The following CADPS variants were observed in gnomAD, a reference collection of about 807,000 sequenced individuals.
CADPS encodes the protein calcium-dependent secretion activator 1.
A neutral mutation model predicts 167.3 loss-of-function variants in CADPS; 57 were observed. The ratio of observed to expected loss-of-function variants is 0.34; its 90% CI spans 0.28 to 0.42. The LOEUF (loss-of-function observed/expected upper bound fraction) is 0.42, where lower values mean the gene tolerates loss of function less well. CADPS is among the 20% of genes least tolerant of loss of function. The pLI, the probability that CADPS is intolerant of heterozygous loss-of-function variation, is 1.00. For missense variants in CADPS, 1,414 were observed against 1,738.1 expected, an observed-to-expected ratio of 0.81 and a Z score of 3.32; for synonymous variants, 676 against 635.3, an observed-to-expected ratio of 1.06 and a Z score of -0.96.
intron 6 of CADPS, chr3:62,626,529 A>G (rs1232482539): frequency 8.5e-6 from 6 of 702,732 alleles, no homozygotes; most frequent in Non-Finnish European, 1.6e-5. Context: ...GGGACATCAA[A>G]TGGCACTGTG....
chr3:62,432,593 A>T (rs1235279423), intron 28 of CADPS, among the ~76,000 whole-genome samples: 1 of 152,310 alleles, frequency 6.6e-6, no homozygotes, highest in African/African-American at 2.4e-5. Context: ...AAGCATTTCC[A>T]TTTTGATGAT....
chr3:62,477,726 T>C (rs1344967973), intron 23 of CADPS, among the ~76,000 whole-genome samples: 1 of 152,152 alleles, frequency 6.6e-6, no homozygotes, highest in East Asian at 1.9e-4. Flanking sequence ...GCTGTTGAAA[T>C]CCAGCTAGAT....
At chr3:62,413,666 C>A (rs546216712) in intron 28 of CADPS, among the ~76,000 whole-genome samples, 6 of 152,080 alleles carry the variant, frequency 3.9e-5, no homozygotes, top group Non-Finnish European at 8.8e-5. Context: ...GATGAAACGA[C>A]GTCTACAGAT....
At chr3:62,827,382 C>T (rs1403772339) in intron 1 of CADPS, among the ~76,000 whole-genome samples, 1 of 152,162 alleles carries the variant, frequency 6.6e-6, no homozygotes, top group Non-Finnish European at 1.5e-5. Context: ...AGAACACTCA[C>T]TATGCCAAAG....
At chr3:62,740,043 T>C (rs1370587436) in intron 3 of CADPS, among the ~76,000 whole-genome samples, 1 of 152,242 alleles carries the variant, frequency 6.6e-6, no homozygotes, top group African/African-American at 2.4e-5. Context: ...ATATGTTGAT[T>C]GCCATGTTCA....
intron 6 of CADPS, among the ~76,000 whole-genome samples, chr3:62,596,489 C>G (rs1036106950): frequency 7.2e-5 from 11 of 152,254 alleles, no homozygotes; most frequent in Middle Eastern, 3.4e-3. Flanking sequence ...TGAGCCACCA[C>G]ACCTGGCCCA....
intron 3 of CADPS, among the ~76,000 whole-genome samples, chr3:62,671,148 G>C (rs552190051): frequency 6.6e-6 from 1 of 152,154 alleles, no homozygotes; most frequent in Non-Finnish European, 1.5e-5. Flanking sequence ...TTATGAAAAC[G>C]AAAGAAGATG....
intron 1 of CADPS, among the ~76,000 whole-genome samples, chr3:62,790,913 CT>C (rs2092876416): frequency 1.3e-5 from 2 of 150,802 alleles, no homozygotes; most frequent in Non-Finnish European, 2.9e-5. Context: ...AGTTCTGATG[CT>C]TTTGTTACCG....
At chr3:62,581,447 A>G (rs759287696) in intron 8 of CADPS, among the ~76,000 whole-genome samples, 25 of 142,246 alleles carry the variant, frequency 1.8e-4, no homozygotes, top group Non-Finnish European at 3.5e-4. Context: ...TGGTTAGAAA[A>G]TTAAAAAAAA....
intron 1 of CADPS, among the ~76,000 whole-genome samples, chr3:62,785,899 A>G (rs2152697057): frequency 6.7e-6 from 1 of 149,382 alleles, no homozygotes; most frequent in East Asian, 1.9e-4. Flanking sequence ...CACAAAGAAA[A>G]ACTCTTTTCA....
At chr3:62,480,596 A>G (rs1404758396) in intron 22 of CADPS, among the ~76,000 whole-genome samples, 1 of 152,342 alleles carries the variant, frequency 6.6e-6, no homozygotes, top group East Asian at 1.9e-4. Flanking sequence ...GGATTACTGC[A>G]AGAATAAAAA....
intron 26 of CADPS, among the ~76,000 whole-genome samples, chr3:62,464,519 A>G (rs2059725256): frequency 6.6e-6 from 1 of 152,198 alleles, no homozygotes; most frequent in South Asian, 2.1e-4. Flanking sequence ...TCTGCCTAGC[A>G]TCAGGAAGAG....
At chr3:62,656,185 T>C (rs1262791083) in intron 4 of CADPS, among the ~76,000 whole-genome samples, 1 of 152,124 alleles carries the variant, frequency 6.6e-6, no homozygotes, top group Admixed American at 6.5e-5. Context: ...TTTACACACA[T>C]ACACCCCTTG....
chr3:62,509,370 A>C (rs2067314661), intron 17 of CADPS, among the ~76,000 whole-genome samples: 1 of 151,886 alleles, frequency 6.6e-6, no homozygotes, highest in South Asian at 2.1e-4. Flanking sequence ...GACATGAAGC[A>C]TGAGATGGTC....
At chr3:62,585,590 A>C (rs1224371250) in intron 7 of CADPS, among the ~76,000 whole-genome samples, 1 of 152,248 alleles carries the variant, frequency 6.6e-6, no homozygotes, top group Non-Finnish European at 1.5e-5. Context: ...CGTACTAAAC[A>C]AACCCAGAAT....
intron 28 of CADPS, among the ~76,000 whole-genome samples, chr3:62,417,303 T>TTTTTTTTTTTTTTTTTTTTTTC (rs2050303415): frequency 9.0e-6 from 1 of 111,528 alleles, no homozygotes; most frequent in African/African-American, 3.1e-5. Flanking sequence ...TTTTTTTTTT[T>TTTTTTTTTTTTTTTTTTTTTTC]TGAGACTGTC....
intron 3 of CADPS, among the ~76,000 whole-genome samples, chr3:62,700,980 C>G (rs1187747555): frequency 6.6e-6 from 1 of 152,008 alleles, no homozygotes; most frequent in African/African-American, 2.4e-5. Context: ...TGGCCAAGTT[C>G]TTTTATCTTC....
At chr3:62,464,615 C>T (rs1167102915) in intron 26 of CADPS, among the ~76,000 whole-genome samples, 2 of 152,146 alleles carry the variant, frequency 1.3e-5, no homozygotes, top group Admixed American at 1.3e-4. Flanking sequence ...CTGGTTTCTG[C>T]CCAGACTTAG....
rs2058967294 is a variant in CADPS at position 62,458,534 on chromosome 3, G to C, written c.3636+6833C>G. Among the ~76,000 whole-genome samples, 1 of 152,020 alleles carries C rather than the reference G, an allele frequency of 6.6e-6. No homozygotes were observed. The highest frequency in any genetic ancestry group is 2.4e-5 in the African/African-American group (1 of 41,374). On this transcript the variant is annotated intron_variant, in intron 26 of 29. Transcript: ENST00000383710. This position sits in a 1 kb window ranked among gnomAD's most constrained non-coding sequence, Gnocchi z 4.6. ...GACGGAGTCTGGCTCTATCACCCAGGCTGGAGTGAAGTGGCACGATTTCAG... is the reference window on the plus strand; with the variant it reads ...GACGGAGTCTGGCTCTATCACCCAGCCTGGAGTGAAGTGGCACGATTTCAG...
Sources: gnomAD v4.1 joint callset for allele counts (sites outside exome capture counted in the v4.1 genomes callset) on GRCh38, gnomAD v4.1.1 for gene constraint, Gnocchi (gnomAD v3.1) non-coding constraint, MANE v1.5 for transcripts, NCBI Gene and HGNC (gene_info 2026-07-23, HGNC 2026-07-21) for gene names.